Variants in CPNE8 observed in about 807,000 individuals in gnomAD.
CPNE8 encodes the protein copine-8.
Under a neutral mutation model 81.5 loss-of-function variants are expected in CPNE8, and 45 were observed. The observed-to-expected ratio is 0.55, with a 90% CI of 0.44 to 0.71. The LOEUF (loss-of-function observed/expected upper bound fraction) is 0.71. Among genes scored for constraint, CPNE8 ranks in the 30% least tolerant of loss-of-function variants. CPNE8 has a pLI of 0.00. For synonymous variants in CPNE8, 252 were observed against 226.3 expected (o/e 1.11, Z -1.02); for missense variants, 594 against 672.1 (o/e 0.88, Z 1.28).
intron 10 of CPNE8, among the ~76,000 whole-genome samples, chr12:38,741,872 C>T (rs1222993263): frequency 6.6e-6 from 1 of 152,144 alleles, no homozygotes; most frequent in Non-Finnish European, 1.5e-5. Context: ...AGGATATGAA[C>T]AGACACTTCT....
chr12:38,835,373 T>C (rs1026604361), intron 5 of CPNE8, among the ~76,000 whole-genome samples: 4 of 152,226 alleles, frequency 2.6e-5, no homozygotes, highest in Admixed American at 1.3e-4. Context: ...CTCCAGTCAC[T>C]CTCTCCCAGT....
At chr12:38,797,022 T>C (rs1418645466) in intron 6 of CPNE8, among the ~76,000 whole-genome samples, 7 of 152,118 alleles carry the variant, frequency 4.6e-5, no homozygotes, top group Non-Finnish European at 5.9e-5. Flanking sequence ...CCAGGCTTGC[T>C]TAGGTAAACA....
intron 5 of CPNE8, among the ~76,000 whole-genome samples, chr12:38,838,927 T>C (rs1404019868): frequency 6.6e-6 from 1 of 152,094 alleles, no homozygotes. Context: ...TCCGAATTAT[T>C]ACACTCCCCT....
intron 6 of CPNE8, among the ~76,000 whole-genome samples, chr12:38,801,025 GTCTGAT>G (rs1241061048): frequency 3.3e-5 from 5 of 150,354 alleles, no homozygotes; most frequent in Admixed American, 1.3e-4. Context: ...CCACATCTAC[GTCTGAT>G]TGGTGTACCT....
At chr12:38,713,973 G>A (rs566711992) in intron 13 of CPNE8, among the ~76,000 whole-genome samples, 8 of 152,194 alleles carry the variant, frequency 5.3e-5, no homozygotes, top group African/African-American at 1.9e-4. Flanking sequence ...TTTGTGATCT[G>A]TTTTCCCCCT....
At chr12:38,854,763 A>G (rs1943703525) in intron 3 of CPNE8, among the ~76,000 whole-genome samples, 1 of 152,118 alleles carries the variant, frequency 6.6e-6, no homozygotes, top group African/African-American at 2.4e-5. Flanking sequence ...TTAAAGGAAT[A>G]TACCTCTATA....
intron 5 of CPNE8, among the ~76,000 whole-genome samples, chr12:38,831,143 A>G (rs1943279443): frequency 1.3e-5 from 2 of 152,268 alleles, no homozygotes; most frequent in South Asian, 4.1e-4. Flanking sequence ...CTTGGAGAGA[A>G]GATAATTGGA....
intron 18 of CPNE8, among the ~76,000 whole-genome samples, chr12:38,671,251 A>G (rs767757631): frequency 4.6e-5 from 7 of 152,096 alleles, no homozygotes; most frequent in Non-Finnish European, 8.8e-5. Context: ...CTTTATTTTC[A>G]TTGAAACTAC....
intron 6 of CPNE8, among the ~76,000 whole-genome samples, chr12:38,814,308 G>GTTT (rs1393612354): frequency 2.8e-5 from 3 of 108,832 alleles, no homozygotes; most frequent in Non-Finnish European, 3.9e-5. Context: ...GCCAGACCTG[G>GTTT]CTTTTTTTTT....
chr12:38,778,353 T>C (rs2136896925), intron 6 of CPNE8, among the ~76,000 whole-genome samples: 1 of 152,310 alleles, frequency 6.6e-6, no homozygotes, highest in Admixed American at 6.5e-5. Context: ...TGTTGCTAAG[T>C]AGTGCATGAC....
chr12:38,855,633 G>A (rs943995415), intron 3 of CPNE8, among the ~76,000 whole-genome samples: 2 of 152,012 alleles, frequency 1.3e-5, no homozygotes, highest in Non-Finnish European at 2.9e-5. Context: ...TTAGACAGGA[G>A]GAATAAGTTT....
Position 38,756,647 on chromosome 12 carries a change from T to C in CPNE8, c.722+4200A>G, listed in dbSNP as rs148200225. Among the ~76,000 whole-genome samples, 713 of 152,348 alleles carry C rather than the reference T, an allele frequency of 4.7e-3. 5 individuals carry two copies. The highest frequency in any genetic ancestry group is 0.016 in the African/African-American group (662 of 41,582). Reference sequence around the variant, plus strand: ...CCTTATTGGTTTTCTATGAGTAAATTTACATACAAAATAATACAGATATCT... The same window carrying C: ...CCTTATTGGTTTTCTATGAGTAAATCTACATACAAAATAATACAGATATCT... On this transcript the variant is annotated intron_variant, in intron 10 of 19. Coordinates refer to ENST00000331366, the MANE Select transcript of CPNE8 (RefSeq NM_153634.3).
At chr12:38,903,127 C>A (rs1164042478) in intron 1 of CPNE8, among the ~76,000 whole-genome samples, 1 of 152,162 alleles carries the variant, frequency 6.6e-6, no homozygotes, top group South Asian at 2.1e-4. Context: ...ATTTAACCCA[C>A]CTTTTCAGGA....
At chr12:38,841,351 A>G (rs941478757) in intron 4 of CPNE8, among the ~76,000 whole-genome samples, 5 of 152,180 alleles carry the variant, frequency 3.3e-5, no homozygotes, top group Non-Finnish European at 7.4e-5. Flanking sequence ...AAAAAATATT[A>G]TGAATCTCAT....
intron 10 of CPNE8, among the ~76,000 whole-genome samples, chr12:38,756,477 C>T (rs1941461748): frequency 6.6e-6 from 1 of 151,894 alleles, no homozygotes; most frequent in Non-Finnish European, 1.5e-5. Context: ...CCTCAGTCTC[C>T]CGAGTAGCGA....
intron 19 of CPNE8, among the ~76,000 whole-genome samples, chr12:38,657,681 G>T (rs1004392522): frequency 6.6e-6 from 1 of 151,618 alleles, no homozygotes; most frequent in Admixed American, 6.6e-5. Flanking sequence ...GCTTCCAGAG[G>T]AAGGATCAGA....
Position 38,723,752 on chromosome 12 carries a change from A to C in CPNE8, c.914+20T>G. 6.6e-7 allele frequency: 1 copy of C among 1,508,638 alleles called. No individual in the cohort carries two copies. The highest frequency in any genetic ancestry group is 1.1e-5 in the South Asian group (1 of 87,658). The allele number at this position is 1,508,638 out of a possible 1,614,324, so 93.5% of individuals were successfully genotyped here. On this transcript the variant is annotated intron_variant, in intron 13 of 19. Coordinates refer to ENST00000331366, the MANE Select transcript of CPNE8 (RefSeq NM_153634.3). Reference sequence around the variant, plus strand: ...TTAGGAAATGCCTAAGCAACGAAACAATTTGAGAGAATTACTTACCCTCCC... The same window carrying C: ...TTAGGAAATGCCTAAGCAACGAAACCATTTGAGAGAATTACTTACCCTCCC...
intron 6 of CPNE8, among the ~76,000 whole-genome samples, chr12:38,803,793 T>A (rs61937808): frequency 0.66 from 62,793 of 94,836 alleles, 23,252 homozygotes; most frequent in Non-Finnish European, 0.85. Context: ...CTTAAGCTGA[T>A]AAGCAACTTC....
intron 5 of CPNE8, among the ~76,000 whole-genome samples, chr12:38,836,989 T>A (rs1943392090): frequency 6.6e-6 from 1 of 152,168 alleles, no homozygotes; most frequent in South Asian, 2.1e-4. Flanking sequence ...CTCAGGCACT[T>A]ATTAACTAAT....
Sources: gnomAD v4.1 joint callset for allele counts (sites outside exome capture counted in the v4.1 genomes callset) on GRCh38, gnomAD v4.1.1 for gene constraint, MANE v1.5 for transcripts, NCBI Gene and HGNC (gene_info 2026-07-23, HGNC 2026-07-21) for gene names.